Variants in RSU1 observed in about 807,000 individuals in gnomAD.
The protein encoded by RSU1 is rsu-1.
A neutral mutation model predicts 31.1 loss-of-function variants in RSU1; 26 were observed. That is an observed-to-expected ratio of 0.84 (90% confidence interval 0.61 to 1.16). RSU1 has a LOEUF of 1.16. RSU1 is among the 50% of genes most tolerant of loss of function. The pLI, the probability that RSU1 is intolerant of heterozygous loss-of-function variation, is 0.00. For missense variants in RSU1, 320 were observed against 339.1 expected (o/e 0.94, Z 0.44); for synonymous variants, 164 against 136.3 (o/e 1.20, Z -1.41).
At chr10:16,599,966 T>C (rs1306755502) in intron 8 of RSU1, among the ~76,000 whole-genome samples, 1 of 152,138 alleles carries the variant, frequency 6.6e-6, no homozygotes, top group Non-Finnish European at 1.5e-5. Flanking sequence ...GCCCAGGAAC[T>C]GGAGGAAACC....
At chr10:16,644,677 T>G (rs1452789957) in intron 8 of RSU1, among the ~76,000 whole-genome samples, 1 of 152,106 alleles carries the variant, frequency 6.6e-6, no homozygotes, top group African/African-American at 2.4e-5. Flanking sequence ...GCCCGCTAAA[T>G]GGATCTGCAG....
chr10:16,704,823 T>C (rs1388796541), intron 7 of RSU1, among the ~76,000 whole-genome samples: 3 of 152,220 alleles, frequency 2.0e-5, no homozygotes, highest in South Asian at 2.1e-4. Flanking sequence ...CTTTTGTTAG[T>C]TGACTGGTTA....
intron 4 of RSU1, among the ~76,000 whole-genome samples, chr10:16,763,643 G>T (rs1360545108): frequency 6.6e-6 from 1 of 152,128 alleles, no homozygotes; most frequent in African/African-American, 2.4e-5. Flanking sequence ...GGGTCTGAAG[G>T]AGCCTTCAGA....
chr10:16,591,703 G>GA lies in RSU1; in HGVS notation c.*1690dup, dbSNP rs1833507189. The GA allele has an allele frequency of 6.6e-6, 1 of 151,846 alleles. No homozygotes were observed. The highest frequency in any genetic ancestry group is 1.5e-5 in the Non-Finnish European group (1 of 67,938). 9.4% of individuals were successfully genotyped at this position (151,846 alleles called of 1,614,324 possible). A position where few individuals can be genotyped will look rare whatever the true frequency, so the allele number is the denominator to read the frequency against. ...TGCGTTTCTGGAGTTTTCATCTTTT[G>GA]AAAAAAATGACTCATAAGAGCCCTT... On this transcript the variant is annotated 3_prime_UTR_variant, in exon 9 of 9. Coordinates refer to ENST00000345264, the MANE Select transcript of RSU1 (RefSeq NM_012425.4).
At chr10:16,737,970 A>G (rs1836665377) in intron 7 of RSU1, among the ~76,000 whole-genome samples, 1 of 152,252 alleles carries the variant, frequency 6.6e-6, no homozygotes, top group African/African-American at 2.4e-5. Context: ...TAAATTAGAA[A>G]TCAGTAACAA....
chr10:16,809,034 G>A (rs1838344221), intron 2 of RSU1, among the ~76,000 whole-genome samples: 1 of 152,178 alleles, frequency 6.6e-6, no homozygotes, highest in African/African-American at 2.4e-5. Context: ...ATAAATTTCT[G>A]TTGTCAAAAT....
In RSU1 at chr10:16,742,019, CTGGTA is replaced by C. The variant is rs551051106; in HGVS notation, c.598+10515_598+10519del. On this transcript the variant is annotated intron_variant, in intron 7 of 8. Transcript: ENST00000345264. The stretch of plus-strand genomic sequence containing the variant: ...TGTATATGGGGTTGGAAGTCAGATT[CTGGTA>C]TGGTTAAGATGGATTCAATAGGGGC... 4.6e-5 allele frequency among the ~76,000 whole-genome samples: 7 copies of C among 152,122 alleles called. No homozygotes were observed. The South Asian group carries it at 1.5e-3, about 32-fold the overall frequency.
rs1833505852 is a variant in RSU1 at position 16,591,626 on chromosome 10, CCAGT to C, written c.*1764_*1767del. The C allele has an allele frequency of 6.6e-6, 1 of 152,056 alleles. No homozygotes were observed. The highest frequency in any genetic ancestry group is 2.4e-5 in the African/African-American group (1 of 41,398). 9.4% of individuals were successfully genotyped at this position (152,056 alleles called of 1,614,324 possible). A position where few individuals can be genotyped will look rare whatever the true frequency, so the allele number is the denominator to read the frequency against. On this transcript the variant is annotated 3_prime_UTR_variant, in exon 9 of 9. Transcript: ENST00000345264. ...ATCTGTATACTTTTTAAAAATATTACCAGTGAGTCTTCGATGATTGCTTCATGTT... is the reference window on the plus strand; with the variant it reads ...ATCTGTATACTTTTTAAAAATATTACGAGTCTTCGATGATTGCTTCATGTT...
chr10:16,652,357 C>T (rs1036708112), intron 8 of RSU1, among the ~76,000 whole-genome samples: 2 of 132,370 alleles, frequency 1.5e-5, no homozygotes, highest in Admixed American at 1.8e-4. Flanking sequence ...ACAGGAGGGG[C>T]GCTGATAACA....
At chr10:16,622,597 G>A (rs923980336) in intron 8 of RSU1, among the ~76,000 whole-genome samples, 8 of 152,154 alleles carry the variant, frequency 5.3e-5, no homozygotes, top group Admixed American at 3.9e-4. Context: ...AGCACTCAGT[G>A]AGAATAGATA....
chr10:16,715,289 C>T (rs993367672), intron 7 of RSU1, among the ~76,000 whole-genome samples: 20 of 152,182 alleles, frequency 1.3e-4, no homozygotes, highest in African/African-American at 4.8e-4. Flanking sequence ...TTTTGATGCA[C>T]AAAATTCTTA....
At chr10:16,676,409 A>C (rs1835233344) in intron 8 of RSU1, among the ~76,000 whole-genome samples, 1 of 152,166 alleles carries the variant, frequency 6.6e-6, no homozygotes. Flanking sequence ...CATGAGACTT[A>C]TTCACTATCA....
intron 8 of RSU1, among the ~76,000 whole-genome samples, chr10:16,651,602 T>G (rs1215518205): frequency 6.6e-6 from 1 of 152,192 alleles, no homozygotes; most frequent in East Asian, 1.9e-4. Context: ...ATCGAAGAGG[T>G]GTAAATATAC....
At chr10:16,674,574 A>C (rs1392002286) in intron 8 of RSU1, among the ~76,000 whole-genome samples, 1 of 152,090 alleles carries the variant, frequency 6.6e-6, no homozygotes, top group Non-Finnish European at 1.5e-5. Context: ...CCGCTCTTGC[A>C]GGAGACTCCA....
At chr10:16,603,252 T>C (rs1250138024) in intron 8 of RSU1, among the ~76,000 whole-genome samples, 2 of 152,108 alleles carry the variant, frequency 1.3e-5, no homozygotes, top group Non-Finnish European at 2.9e-5. Flanking sequence ...GCAAGCTATA[T>C]GAAAAATAGG....
chr10:16,697,114 G>A (rs918677675), intron 7 of RSU1, among the ~76,000 whole-genome samples: 1 of 152,012 alleles, frequency 6.6e-6, no homozygotes, highest in African/African-American at 2.4e-5. Flanking sequence ...ATGGTATGTT[G>A]CCCATTGTGC....
At chr10:16,793,014 C>G (rs796639305) in intron 2 of RSU1, among the ~76,000 whole-genome samples, 2 of 152,140 alleles carry the variant, frequency 1.3e-5, no homozygotes, top group South Asian at 4.1e-4. Context: ...GATCTACTTA[C>G]GTATGCAGGT....
intron 7 of RSU1, among the ~76,000 whole-genome samples, chr10:16,727,969 A>T: frequency 6.6e-6 from 1 of 152,190 alleles, no homozygotes; most frequent in Non-Finnish European, 1.5e-5. Flanking sequence ...TAAAAACTGG[A>T]CTTCATTCAA....
intron 8 of RSU1, among the ~76,000 whole-genome samples, chr10:16,600,999 GTCC>G (rs1833707307): frequency 6.6e-6 from 1 of 152,172 alleles, no homozygotes; most frequent in East Asian, 1.9e-4. Flanking sequence ...TCTTAAAAAT[GTCC>G]TCGCTTGGCT....
Sources: gnomAD v4.1 joint callset for allele counts (sites outside exome capture counted in the v4.1 genomes callset) on GRCh38, gnomAD v4.1.1 for gene constraint, MANE v1.5 for transcripts, NCBI Gene and HGNC (gene_info 2026-07-23, HGNC 2026-07-21) for gene names.